Variants in POLR2L observed in about 807,000 individuals in gnomAD.
POLR2L encodes RNA polymerase II, I and III subunit L.
POLR2L carries 7 observed loss-of-function variants against 6.8 expected under a neutral mutation model. The observed-to-expected ratio is 1.03, with a 90% confidence interval of 0.59 to 1.94. POLR2L has a LOEUF of 1.94. Among genes scored for constraint, POLR2L ranks in the 30% most tolerant of loss-of-function variants. POLR2L has a pLI of 0.00. For missense variants in POLR2L, 93 were observed against 86.7 expected, an observed-to-expected ratio of 1.07 and a Z score of -0.29; for synonymous variants, 59 against 39.8, an observed-to-expected ratio of 1.48 and a Z score of -1.82.
rs1443079315 is a variant in POLR2L at position 840,081 on chromosome 11, G to A, written c.*291C>T. ...GGCAGCGCCTCCTGCAGGGGTGCCT[G>A]TGGAACAGGCTGGCCCCAGGGCTAG... On this transcript the variant is annotated 3_prime_UTR_variant, in exon 2 of 2. Coordinates refer to ENST00000322028, the MANE Select transcript of POLR2L (RefSeq NM_021128.5). 2 of 311,918 alleles carry A rather than the reference G, an allele frequency of 6.4e-6. No individual in the cohort carries two copies. The highest frequency in any genetic ancestry group is 8.3e-5 in the South Asian group (1 of 12,062). 19.3% of individuals were successfully genotyped at this position (311,918 alleles called of 1,614,324 possible).
In POLR2L at chr11:840,458, G is replaced by T; in HGVS notation, c.118C>A (p.Leu40Met). ...ATCCGGCGGCAGCAGTAGCGCTTCA[G>T]GCCCAGGGCATCCAGCGCATCCCTG... ...TEGDALDALGLKRYCCRRMLL... is the reference protein window; with the variant it reads ...TEGDALDALGMKRYCCRRMLL... The change falls in exon 2 of 2, where the codon CTG (leucine) becomes ATG (methionine). Residue 40 changes from leucine (L) to methionine (M), a missense_variant. Physicochemically the swap from Leu to Met is conservative, Grantham distance 15. Coordinates refer to ENST00000322028, the MANE Select transcript of POLR2L (RefSeq NM_021128.5). The T allele has an allele frequency of 6.2e-7, 1 of 1,611,368 alleles. No individual in the cohort carries two copies. Among genetic ancestry groups the T allele is most frequent in the South Asian group, 1.1e-5 (1 of 91,074 alleles).
In POLR2L at chr11:840,343, G is replaced by A; in HGVS notation, c.*29C>T. The A allele has an allele frequency of 7.0e-7, 1 of 1,431,056 alleles. No individual in the cohort carries two copies. Among genetic ancestry groups the A allele is most frequent in the Non-Finnish European group, 9.8e-7 (1 of 1,024,716 alleles). 88.6% of individuals were successfully genotyped at this position (1,431,056 alleles called of 1,614,324 possible). A position where few individuals can be genotyped will look rare whatever the true frequency, so the allele number is the denominator to read the frequency against. ...GCAGGACGCTCAGGGCCCATGGTCA[G>A]CACAGCGGGTGGGTGGGTTCCAGCG... is the stretch of plus-strand genomic sequence containing the variant. On this transcript the variant is annotated 3_prime_UTR_variant, in exon 2 of 2. Coordinates refer to ENST00000322028, the MANE Select transcript of POLR2L (RefSeq NM_021128.5).
rs138875343 is a variant in POLR2L, at chr11:840,450, G to A, written c.126C>T (p.Arg42=). The A allele has an allele frequency of 8.7e-6, 14 of 1,611,754 alleles. No homozygotes were observed. The highest frequency in any genetic ancestry group is 1.1e-5 in the Non-Finnish European group (13 of 1,179,638). ...CCAGCAGCATCCGGCGGCAGCAGTA[G>A]CGCTTCAGGCCCAGGGCATCCAGCG... ...GDALDALGLK[R]YCCRRMLLAH... The change falls in exon 2 of 2, where the codon CGC becomes CGT. Residue 42 remains arginine (R), a synonymous_variant. Transcript: ENST00000322028.
chr11:842,035 G>A (rs535212461), intron 1 of POLR2L, among the ~76,000 whole-genome samples: 1 of 152,292 alleles, frequency 6.6e-6, no homozygotes, highest in African/African-American at 2.4e-5. Context: ...GATGTCAGCC[G>A]CCGCGCCCGC....
In POLR2L at chr11:840,261, C is replaced by T. The variant is rs976125584; in HGVS notation, c.*111G>A. On this transcript the variant is annotated 3_prime_UTR_variant, in exon 2 of 2. Transcript: ENST00000322028. ...TCCAGAGTGGGGTATCGGATACACACACACTGCGGCCAGGCATTACGCCAG... is the reference window on the plus strand; with the variant it reads ...TCCAGAGTGGGGTATCGGATACACATACACTGCGGCCAGGCATTACGCCAG... 6 of 701,254 alleles carry T rather than the reference C, an allele frequency of 8.6e-6. No individual in the cohort carries two copies. Among genetic ancestry groups the T allele is most frequent in the Admixed American group, 4.4e-5 (2 of 45,388 alleles). The allele number at this position is 701,254 out of a possible 1,614,324, so 43.4% of individuals were successfully genotyped here.
At chr11:840,583 C>CT in intron 1 of POLR2L, 103 bp from the exon 2 acceptor site, 1 of 731,324 alleles carries the variant, frequency 1.4e-6, no homozygotes, top group South Asian at 1.5e-5. Flanking sequence ...GCCTCACCCC[C>CT]CCCGCCACCG....
chr11:841,356 G>T (rs915809246), intron 1 of POLR2L, among the ~76,000 whole-genome samples: 49 of 152,304 alleles, frequency 3.2e-4, no homozygotes, highest in Middle Eastern at 3.4e-3. Flanking sequence ...CAGCACCAAG[G>T]GACAAGCACA....
In POLR2L at chr11:842,401, G is replaced by A. The variant is rs1846999545; in HGVS notation, c.95+13C>T. On this transcript the variant is annotated intron_variant, in intron 1 of 1. Transcript: ENST00000322028. ...ACGGCGGACTCAGCCCCTAGCCCCG[G>A]CCCGCGCCTCACCCCTCGGTGTACT... is the stretch of plus-strand genomic sequence containing the variant. 6.4e-7 allele frequency: 1 copy of A among 1,567,184 alleles called. No individual in the cohort carries two copies.
Position 840,269 on chromosome 11 carries a change from G to A in POLR2L, c.*103C>T, listed in dbSNP as rs929412766. ...GGGGTATCGGATACACACACACTGC[G>A]GCCAGGCATTACGCCAGCTCCCGGA... On this transcript the variant is annotated 3_prime_UTR_variant, in exon 2 of 2. Coordinates refer to ENST00000322028, the MANE Select transcript of POLR2L (RefSeq NM_021128.5). The A allele has an allele frequency of 4.2e-6, 3 of 719,440 alleles. No individual in the cohort carries two copies. Among genetic ancestry groups the A allele is most frequent in the Non-Finnish European group, 4.9e-6 (2 of 407,396 alleles). 44.6% of individuals were successfully genotyped at this position (719,440 alleles called of 1,614,324 possible). A position where few individuals can be genotyped will look rare whatever the true frequency, so the allele number is the denominator to read the frequency against.
intron 1 of POLR2L, among the ~76,000 whole-genome samples, chr11:841,817 G>A (rs1846976466): frequency 6.6e-6 from 1 of 152,138 alleles, no homozygotes. Flanking sequence ...GAGAATTGCT[G>A]GAGCCCAGGA....
At position 840,292 on chromosome 11, in the gene POLR2L, G is replaced by A. The variant is rs187980780; in HGVS notation, c.*80C>T. 8.9e-5 allele frequency: 76 copies of A among 856,562 alleles called. No individual in the cohort carries two copies. In the Middle Eastern group the frequency reaches 1.6e-3, roughly 18 times the overall value. 53.1% of individuals were successfully genotyped at this position (856,562 alleles called of 1,614,324 possible). A position where few individuals can be genotyped will look rare whatever the true frequency, so the allele number is the denominator to read the frequency against. ...GCGGCCAGGCATTACGCCAGCTCCC[G>A]GATGCCTCAGCCTCGTGAATTCGGG... On this transcript the variant is annotated 3_prime_UTR_variant, in exon 2 of 2. Transcript: ENST00000322028.
In POLR2L at chr11:842,480, C is replaced by T; in HGVS notation, c.29G>A (p.Cys10Tyr). Reference sequence around the variant, plus strand: ...CCACTTGTTGCCGACGATCTTGCCACAAGTGAAGCAGCGTACAGGGATGAT... The same window carrying T: ...CCACTTGTTGCCGACGATCTTGCCATAAGTGAAGCAGCGTACAGGGATGAT... The part of the protein sequence containing the change: MIIPVRCFT[C>Y]GKIVGNKWEA... The change falls in exon 1 of 2, where the codon TGT becomes TAT. Residue 10 changes from cysteine to tyrosine, a missense_variant. Cys to Tyr is a radical substitution (Grantham distance 194). Transcript: ENST00000322028. 6.3e-7 allele frequency: 1 copy of T among 1,596,930 alleles called. No individual in the cohort carries two copies. The highest frequency in any genetic ancestry group is 2.3e-5 in the East Asian group (1 of 42,840).
At chr11:840,626 TGA>T (rs2133966929) in intron 1 of POLR2L, 146 bp from the exon 2 acceptor site, 2 of 624,498 alleles carry the variant, frequency 3.2e-6, no homozygotes, top group Admixed American at 2.7e-5. Flanking sequence ...GCTCAGAAGC[TGA>T]GATCTAGCAG....
intron 1 of POLR2L, among the ~76,000 whole-genome samples, chr11:841,797 G>C (rs539284604): frequency 2.0e-5 from 3 of 152,248 alleles, no homozygotes; most frequent in South Asian, 2.1e-4. Context: ...TACTCGGGAG[G>C]CTGAGACAGG....
rs904787812 is a variant in POLR2L at position 840,127 on chromosome 11, G to C, written c.*245C>G. 2.2e-6 allele frequency: 1 copy of C among 453,630 alleles called. No homozygotes were observed. Among genetic ancestry groups the C allele is most frequent in the Non-Finnish European group, 3.9e-6 (1 of 254,058 alleles). 28.1% of individuals were successfully genotyped at this position (453,630 alleles called of 1,614,324 possible). The stretch of plus-strand genomic sequence containing the variant: ...GCTAGGAGAGTTCATGGCCCAGTCT[G>C]CTTCACTGGGCTGCCACAGTGTGAA... On this transcript the variant is annotated 3_prime_UTR_variant, in exon 2 of 2. Coordinates refer to ENST00000322028, the MANE Select transcript of POLR2L (RefSeq NM_021128.5).
At chr11:840,902 G>A (rs920328421) in intron 1 of POLR2L, among the ~76,000 whole-genome samples, 1 of 152,194 alleles carries the variant, frequency 6.6e-6, no homozygotes, top group African/African-American at 2.4e-5. Flanking sequence ...ACCCCAGCCA[G>A]AGCAAGCCCT....
chr11:840,263 C>G lies in POLR2L; in HGVS notation c.*109G>C. On this transcript the variant is annotated 3_prime_UTR_variant, in exon 2 of 2. Coordinates refer to ENST00000322028, the MANE Select transcript of POLR2L (RefSeq NM_021128.5). The stretch of plus-strand genomic sequence containing the variant: ...CAGAGTGGGGTATCGGATACACACA[C>G]ACTGCGGCCAGGCATTACGCCAGCT... The G allele has an allele frequency of 1.4e-6, 1 of 704,488 alleles. No individual in the cohort carries two copies. The highest frequency in any genetic ancestry group is 2.6e-5 in the East Asian group (1 of 38,412). 43.6% of individuals were successfully genotyped at this position (704,488 alleles called of 1,614,324 possible).
In POLR2L at chr11:841,450, G is replaced by A. The variant is rs148071669; in HGVS notation, c.95+964C>T. 2.8e-4 allele frequency among the ~76,000 whole-genome samples: 42 copies of A among 152,222 alleles called. 1 individual carries two copies. The East Asian group carries it at 7.9e-3, about 29-fold the overall frequency. On this transcript the variant is annotated intron_variant, in intron 1 of 1. Coordinates refer to ENST00000322028, the MANE Select transcript of POLR2L (RefSeq NM_021128.5). The stretch of plus-strand genomic sequence containing the variant: ...TTTCTTTTTCTGTGTGTGTGTGTGC[G>A]TGAGACGGAGTTTCACTCTCTCTTC...
At chr11:842,102 T>C (rs1460185635) in intron 1 of POLR2L, among the ~76,000 whole-genome samples, 1 of 146,162 alleles carries the variant, frequency 6.8e-6, no homozygotes, top group Non-Finnish European at 1.5e-5. Context: ...GAGATGGGAA[T>C]AGGGCGGAGG....
Sources: allele counts gnomAD v4.1 joint callset (sites outside exome capture counted in the v4.1 genomes callset), GRCh38; gene constraint gnomAD v4.1.1; transcripts MANE v1.5; gene names NCBI Gene and HGNC (gene_info 2026-07-23, HGNC 2026-07-21).